SCYL1: variants seen among roughly 807,000 people sequenced by gnomAD.
SCYL1 encodes SCY1 like pseudokinase 1.
In SCYL1, 85 loss-of-function variants were observed where a neutral mutation model predicts 94.8. The observed-to-expected ratio is 0.90, with a 90% CI of 0.75 to 1.07. The LOEUF (loss-of-function observed/expected upper bound fraction) is 1.07, where lower values mean the gene tolerates loss of function less well. Ranked by LOEUF, SCYL1 falls within the 50% of genes least tolerant of loss-of-function variation. The probability of loss-of-function intolerance (pLI) is 0.00; values close to 1 mark genes in which losing one functional copy is unlikely to be tolerated. For synonymous variants in SCYL1, 459 were observed against 435.5 expected (o/e 1.05, Z -0.67); for missense variants, 968 against 1,083.3 (o/e 0.89, Z 1.49).
chr11:65,525,250 C>A lies in SCYL1; in HGVS notation c.97C>A (p.Arg33Ser). The change falls in exon 1 of 18, where the codon CGC becomes AGC. Residue 33 changes from arginine (R) to serine (S), a missense_variant. Transcript: ENST00000270176. The stretch of plus-strand genomic sequence containing the variant: ...CCTGCCCGGGCCCTGGGCCCTGCAC[C>A]GCGGCCGCAAGAAGGTGAGTGCGGC... ...GGLPGPWALH[R>S]GRKKATGSPV... 2 of 1,447,032 alleles carry A rather than the reference C, an allele frequency of 1.4e-6. No homozygotes were observed. Among genetic ancestry groups the A allele is most frequent in the Non-Finnish European group, 1.8e-6 (2 of 1,097,606 alleles). The allele number at this position is 1,447,032 out of a possible 1,614,324, so 89.6% of individuals were successfully genotyped here. A position where few individuals can be genotyped will look rare whatever the true frequency, so the allele number is the denominator to read the frequency against.
At chr11:65,529,134 G>C (rs1394699759) in intron 6 of SCYL1, among the ~76,000 whole-genome samples, 1 of 152,174 alleles carries the variant, frequency 6.6e-6, no homozygotes, top group Non-Finnish European at 1.5e-5. Context: ...CAGGGGAGGA[G>C]AGTGGCAGAC....
chr11:65,525,737 G>A (rs1855041809), intron 2 of SCYL1, 23 bp downstream of exon 2: 1 of 1,610,926 alleles, frequency 6.2e-7, no homozygotes, highest in Admixed American at 1.7e-5. Flanking sequence ...TTGCCTGCCC[G>A]TCTCTGCCCC....
At chr11:65,532,884 G>C in intron 9 of SCYL1, 79 bp downstream of exon 9, 1 of 1,114,916 alleles carries the variant, frequency 9.0e-7, no homozygotes, top group Non-Finnish European at 1.4e-6. Flanking sequence ...CAGAGGCCTT[G>C]GCTTTGGCCC....
chr11:65,530,299 T>C (rs1462568806), intron 6 of SCYL1, among the ~76,000 whole-genome samples: 2 of 152,194 alleles, frequency 1.3e-5, no homozygotes, highest in African/African-American at 4.8e-5. Flanking sequence ...ATGCCTCTGC[T>C]GTCCCTAGTG....
intron 7 of SCYL1, among the ~76,000 whole-genome samples, chr11:65,531,279 G>A (rs1472203924): frequency 1.3e-5 from 2 of 152,128 alleles, no homozygotes; most frequent in Non-Finnish European, 2.9e-5. Flanking sequence ...AGCAAGTCCT[G>A]TATAGCTGAG....
rs1395528046 is a variant in SCYL1 at position 65,538,518 on chromosome 11, G to T, written c.2379G>T (p.Arg793Ser). The change falls in exon 18 of 18, where the codon AGG (arginine) becomes AGT (serine). Residue 793 changes from arginine (R) to serine (S), a missense_variant. By Grantham distance (110) the Arg-to-Ser change is moderately radical. Transcript: ENST00000270176. ...AGATGGAGGCCAAACGCGCCGAGAG[G>T]AAGGTGGCCAAGGGCCCCATGAAGC... ...RREMEAKRAE[R>S]KVAKGPMKLG... 1 of 1,610,262 alleles carries T rather than the reference G, an allele frequency of 6.2e-7. No individual in the cohort carries two copies. Among genetic ancestry groups the T allele is most frequent in the Non-Finnish European group, 8.5e-7 (1 of 1,178,988 alleles).
At position 65,527,104 on chromosome 11, in the gene SCYL1, TGGAGGAGATTCA is replaced by T; in HGVS notation, c.839_849+1del. 1 of 1,613,294 alleles carries T rather than the reference TGGAGGAGATTCA, an allele frequency of 6.2e-7. No individual in the cohort carries two copies. The highest frequency in any genetic ancestry group is 8.5e-7 in the Non-Finnish European group (1 of 1,179,764). On this transcript the variant is annotated inframe_deletion and splice_region_variant, in exon 6 of 18. Coordinates refer to ENST00000270176, the MANE Select transcript of SCYL1 (RefSeq NM_020680.4). The stretch of plus-strand genomic sequence containing the variant: ...CGCTTTGTAGAAACCAACCTCTTCC[TGGAGGAGATTCA>T]GGTGAGCCCCCAACCCACCCTGGGC...
At position 65,538,289 on chromosome 11, in the gene SCYL1, G is replaced by C. The variant is rs767319743; in HGVS notation, c.2267G>C (p.Gly756Ala). ...TTACAGCCGAGGCCAGACTCTTGGG[G>C]TGAGGACAACTGGGAGGGCCTCGAG... ...PSTQPRPDSW[G>A]EDNWEGLETD... The change falls in exon 17 of 18, where the codon GGT (glycine) becomes GCT (alanine). Residue 756 changes from glycine (G) to alanine (A), a missense_variant. Coordinates refer to ENST00000270176, the MANE Select transcript of SCYL1 (RefSeq NM_020680.4). 117 of 1,552,870 alleles carry C rather than the reference G, an allele frequency of 7.5e-5. No homozygotes were observed. In the South Asian group the frequency reaches 1.3e-3, roughly 17 times the overall value.
rs770204666 is a variant in SCYL1 at position 65,526,247 on chromosome 11, C to T, written c.499C>T (p.Gln167Ter). The T allele has an allele frequency of 1.2e-6, 2 of 1,613,260 alleles. No individual in the cohort carries two copies. Among genetic ancestry groups the T allele is most frequent in the Non-Finnish European group, 1.7e-6 (2 of 1,179,972 alleles). Residue 167 changes from glutamine to a stop codon, truncating the protein, a stop_gained, in exon 4 of 18, where the codon CAG (glutamine) becomes TAG (stop). Coordinates refer to ENST00000270176, the MANE Select transcript of SCYL1 (RefSeq NM_020680.4). LOFTEE classifies it high-confidence loss of function. This position sits in a 1 kb window ranked among gnomAD's most constrained non-coding sequence, Gnocchi z 4.1. ...GGGCCTGGACTACATGTATTCGGCC[C>T]AGGGCAACGGTGGGGGACCTCCCCG... ...LGGLDYMYSA[Q>*]GNGGGPPRKG...
chr11:65,537,958 C>G lies in SCYL1; in HGVS notation c.2032-9C>G, dbSNP rs750698838. 1 of 1,607,032 alleles carries G rather than the reference C, an allele frequency of 6.2e-7. No individual in the cohort carries two copies. Among genetic ancestry groups the G allele is most frequent in the South Asian group, 1.1e-5 (1 of 89,924 alleles). On this transcript the variant is annotated splice_polypyrimidine_tract_variant and intron_variant, in intron 15 of 17. Coordinates refer to ENST00000270176, the MANE Select transcript of SCYL1 (RefSeq NM_020680.4). ...CCCAGGGCTACTTCCCCCTCCCGCT[C>G]TTCTACAGGTCAGCAACTCCGACCA...
chr11:65,527,788 C>CA (rs1450082280), intron 6 of SCYL1, among the ~76,000 whole-genome samples: 1 of 151,178 alleles, frequency 6.6e-6, no homozygotes, highest in Non-Finnish European at 1.5e-5. Context: ...TTCCAAAATC[C>CA]AAAAAACATC....
chr11:65,532,991 C>T (rs983060057), intron 9 of SCYL1, 186 bp downstream of exon 9: 11 of 577,612 alleles, frequency 1.9e-5, no homozygotes, highest in Middle Eastern at 4.5e-4. Context: ...CAGCAGACAA[C>T]GAGCATCTGC....
At chr11:65,532,544 A>G (rs1855438624) in intron 8 of SCYL1, 148 bp from the exon 9 acceptor site, 1 of 660,824 alleles carries the variant, frequency 1.5e-6, no homozygotes, top group Admixed American at 2.3e-5. Context: ...CCTGGGCCTG[A>G]GGCCAAACAC....
Position 65,538,665 on chromosome 11 carries a change from A to C in SCYL1, c.*99A>C. 8.5e-4 allele frequency: 1,137 copies of C among 1,343,752 alleles called. No homozygotes were observed. The highest frequency in any genetic ancestry group is 1.0e-3 in the Non-Finnish European group (1,038 of 994,674). 83.2% of individuals were successfully genotyped at this position (1,343,752 alleles called of 1,614,324 possible). On this transcript the variant is annotated 3_prime_UTR_variant, in exon 18 of 18. Coordinates refer to ENST00000270176, the MANE Select transcript of SCYL1 (RefSeq NM_020680.4). The stretch of plus-strand genomic sequence containing the variant: ...CCGGCCGGCCCAGCCAGGCCATCTC[A>C]CGTGTACATAATCAGAGCCACAATA...
chr11:65,527,076 A>G lies in SCYL1; in HGVS notation c.808A>G (p.Asn270Asp). ...NCRAPGGFMS[N>D]RFVETNLFLE... is the part of the protein sequence containing the mutation. Reference sequence around the variant, plus strand: ...CCGGGCACCTGGTGGCTTCATGAGCAACCGCTTTGTAGAAACCAACCTCTT... The same window carrying G: ...CCGGGCACCTGGTGGCTTCATGAGCGACCGCTTTGTAGAAACCAACCTCTT... Residue 270 changes from asparagine to aspartate, a missense_variant, in exon 6 of 18, where the codon AAC (asparagine) becomes GAC (aspartate). Physicochemically the swap from Asn to Asp is conservative, Grantham distance 23 (BLOSUM62 1). This residue lies in a region of SCYL1 where 494 missense variants were observed against 619.7 expected (regional missense o/e 0.80). Transcript: ENST00000270176. 1.2e-6 allele frequency: 2 copies of G among 1,613,606 alleles called. No homozygotes were observed. Among genetic ancestry groups the G allele is most frequent in the African/African-American group, 2.7e-5 (2 of 75,026 alleles).
rs766462147 is a variant in SCYL1 at position 65,526,815 on chromosome 11, T to C, written c.635T>C (p.Ile212Thr). 9 of 1,613,124 alleles carry C rather than the reference T, an allele frequency of 5.6e-6. No individual in the cohort carries two copies. In the East Asian group the frequency reaches 1.6e-4, roughly 28 times the overall value. The change falls in exon 5 of 18, where the codon ATT becomes ACT. Residue 212 changes from isoleucine to threonine, a missense_variant. Around this residue, in one of 2 missense-constraint regions of SCYL1, gnomAD observed 494 missense variants for 619.7 expected, o/e 0.80. Transcript: ENST00000270176. This position sits in a 1 kb window ranked among gnomAD's most constrained non-coding sequence, Gnocchi z 4.1. ...GACATGTGGCGCTTGGGCTGCCTCA[T>C]TTGGGAAGTCTTCAATGGGCCCCTA... is the stretch of plus-strand genomic sequence containing the variant. Reference protein sequence around the residue: ...SADMWRLGCLIWEVFNGPLPR... With the variant: ...SADMWRLGCLTWEVFNGPLPR...
chr11:65,533,595 A>G (rs1243611823), intron 9 of SCYL1, among the ~76,000 whole-genome samples: 1 of 151,230 alleles, frequency 6.6e-6, no homozygotes, highest in Non-Finnish European at 1.5e-5. Flanking sequence ...CCTGGTCATC[A>G]TGGCCAAACC....
At position 65,527,026 on chromosome 11, in the gene SCYL1, A is replaced by T; in HGVS notation, c.758A>T (p.Asn253Ile). 3 of 1,613,422 alleles carry T rather than the reference A, an allele frequency of 1.9e-6. No individual in the cohort carries two copies. Among genetic ancestry groups the T allele is most frequent in the Non-Finnish European group, 1.7e-6 (2 of 1,179,940 alleles). Reference sequence around the variant, plus strand: ...GGAGCAAACCCCAAGGTGCGTCCCAACCCAGCCCGCTTCCTGCAGAACTGC... The same window carrying T: ...GGAGCAAACCCCAAGGTGCGTCCCATCCCAGCCCGCTTCCTGCAGAACTGC... ...LVGANPKVRP[N>I]PARFLQNCRA... Residue 253 changes from asparagine to isoleucine, a missense_variant, in exon 6 of 18, where the codon AAC becomes ATC. Physicochemically the swap from Asn to Ile is moderately radical, Grantham distance 149. Transcript: ENST00000270176.
intron 8 of SCYL1, 54 bp downstream of exon 8, chr11:65,531,737 G>GGGT: frequency 3.7e-6 from 5 of 1,355,882 alleles, no homozygotes; most frequent in Non-Finnish European, 5.3e-6. Context: ...CAACCTGGTG[G>GGGT]CTGGGGAGGC....
Sources: allele counts gnomAD v4.1 joint callset (sites outside exome capture counted in the v4.1 genomes callset), GRCh38; gene constraint gnomAD v4.1.1; regional missense constraint gnomAD v4.1.1; non-coding constraint Gnocchi (gnomAD v3.1); transcripts MANE v1.5; gene names NCBI Gene and HGNC (gene_info 2026-07-23, HGNC 2026-07-21).